Variants in TNKS observed in about 807,000 individuals in gnomAD.
TNKS encodes the protein poly [ADP-ribose] polymerase tankyrase-1.
Under a neutral mutation model 135.8 loss-of-function variants are expected in TNKS, and 72 were observed. That is an observed-to-expected ratio of 0.53 (90% confidence interval 0.44 to 0.64). The LOEUF is 0.64. TNKS is among the 30% of genes least tolerant of loss of function. TNKS has a pLI of 0.00. For synonymous variants in TNKS, 849 were observed against 649.3 expected (o/e 1.31, Z -4.68); for missense variants, 1,769 against 1,674.0 (o/e 1.06, Z -0.99).
At chr8:9,583,663 A>G (rs1341134517) in intron 2 of TNKS, among the ~76,000 whole-genome samples, 2 of 151,512 alleles carry the variant, frequency 1.3e-5, no homozygotes, top group Non-Finnish European at 2.9e-5. Context: ...TAAGTTTTGT[A>G]TTTTTATTAG....
At chr8:9,637,723 C>T (rs571986912) in intron 3 of TNKS, among the ~76,000 whole-genome samples, 1 of 151,986 alleles carries the variant, frequency 6.6e-6, no homozygotes, top group African/African-American at 2.4e-5. Flanking sequence ...TGCTCATTTG[C>T]TTATACTCTT....
At chr8:9,724,557 A>G (rs1158532922) in intron 12 of TNKS, among the ~76,000 whole-genome samples, 5 of 152,114 alleles carry the variant, frequency 3.3e-5, no homozygotes, top group Non-Finnish European at 7.4e-5. Flanking sequence ...TTCATTTTTT[A>G]TATCTCTTTT....
At chr8:9,645,251 G>C (rs540698146) in intron 3 of TNKS, among the ~76,000 whole-genome samples, 1 of 152,256 alleles carries the variant, frequency 6.6e-6, no homozygotes, top group South Asian at 2.1e-4. Flanking sequence ...AGAATCCCAA[G>C]ATCAGGGAGA....
intron 21 of TNKS, among the ~76,000 whole-genome samples, chr8:9,762,124 C>A (rs7830503): frequency 6.6e-6 from 1 of 152,170 alleles, no homozygotes; most frequent in Non-Finnish European, 1.5e-5. Flanking sequence ...TACAATCTAA[C>A]CTTTCTTAAC....
intron 5 of TNKS, among the ~76,000 whole-genome samples, chr8:9,696,832 C>T (rs1171578621): frequency 6.6e-6 from 1 of 152,134 alleles, no homozygotes; most frequent in Non-Finnish European, 1.5e-5. Flanking sequence ...ATATTCCATG[C>T]TCATGGATTG....
At chr8:9,659,691 C>G (rs1277307617) in intron 3 of TNKS, among the ~76,000 whole-genome samples, 13 of 152,064 alleles carry the variant, frequency 8.5e-5, no homozygotes, top group Non-Finnish European at 1.9e-4. Flanking sequence ...GAAGCAACAG[C>G]AAACACATTC....
At chr8:9,771,539 C>T (rs1807865277) in intron 26 of TNKS, among the ~76,000 whole-genome samples, 1 of 102,124 alleles carries the variant, frequency 9.8e-6, no homozygotes, top group Non-Finnish European at 2.0e-5. Context: ...GGGAGAAAGA[C>T]TGAGAGAGGA....
chr8:9,601,917 A>T (rs1445004181), intron 2 of TNKS, among the ~76,000 whole-genome samples: 3 of 152,204 alleles, frequency 2.0e-5, no homozygotes, highest in African/African-American at 7.2e-5. Flanking sequence ...AGCCCAATAT[A>T]TAAAAGCGTT....
At chr8:9,757,818 T>C (rs1197691579) in intron 20 of TNKS, among the ~76,000 whole-genome samples, 1 of 152,222 alleles carries the variant, frequency 6.6e-6, no homozygotes, top group Non-Finnish European at 1.5e-5. Flanking sequence ...TAGTTACTTT[T>C]TAAAGAAATA....
intron 3 of TNKS, among the ~76,000 whole-genome samples, chr8:9,674,160 T>C (rs763046372): frequency 6.6e-6 from 1 of 152,208 alleles, no homozygotes; most frequent in African/African-American, 2.4e-5. Flanking sequence ...AAAAACTGCT[T>C]ACCAATACTA....
intron 3 of TNKS, among the ~76,000 whole-genome samples, chr8:9,621,272 A>G (rs1250882602): frequency 6.6e-6 from 1 of 151,626 alleles, no homozygotes. Context: ...CTGTCACATC[A>G]GACATCCAGA....
chr8:9,688,626 GT>G (rs546148889), intron 5 of TNKS, among the ~76,000 whole-genome samples: 1 of 151,740 alleles, frequency 6.6e-6, no homozygotes, highest in African/African-American at 2.4e-5. Flanking sequence ...TGGTGAGCAA[GT>G]TTTTTTTCTT....
intron 17 of TNKS, among the ~76,000 whole-genome samples, chr8:9,742,239 C>T (rs149589691): frequency 2.4e-3 from 365 of 151,736 alleles, no homozygotes; most frequent in Non-Finnish European, 2.9e-3. Context: ...ATTTAAAAAT[C>T]AGGCATCCGT....
intron 1 of TNKS, chr8:9,574,893 T>C (rs1480006385): frequency 3.5e-6 from 1 of 286,090 alleles, no homozygotes; most frequent in African/African-American, 2.3e-5. Flanking sequence ...TTACTCACTC[T>C]CCCTTCTTGT....
chr8:9,570,123 A>G (rs1045140451), intron 1 of TNKS, among the ~76,000 whole-genome samples: 15 of 152,142 alleles, frequency 9.9e-5, no homozygotes, highest in African/African-American at 3.6e-4. Flanking sequence ...AGCAGATGCC[A>G]GGTGTTTTTT....
intron 20 of TNKS, 36 bp from the exon 21 acceptor site, chr8:9,761,480 T>C (rs2128833722): frequency 6.8e-6 from 11 of 1,610,192 alleles, no homozygotes; most frequent in Non-Finnish European, 9.3e-6. Flanking sequence ...TAAGAACTGT[T>C]AAAGATATCC....
chr8:9,568,127 C>T (rs773628167), intron 1 of TNKS, among the ~76,000 whole-genome samples: 4 of 152,104 alleles, frequency 2.6e-5, no homozygotes, highest in African/African-American at 9.7e-5. Flanking sequence ...ACCTGTAGAC[C>T]TTCTCTGTCA....
intron 26 of TNKS, 116 bp from the exon 27 acceptor site, chr8:9,776,534 T>TATTAA: frequency 1.2e-6 from 1 of 851,526 alleles, no homozygotes; most frequent in Non-Finnish European, 1.9e-6. Context: ...ATTAAGAAAC[T>TATTAA]GAGTCTATAT....
At chr8:9,709,377 A>C (rs1804206391) in intron 9 of TNKS, among the ~76,000 whole-genome samples, 1 of 152,236 alleles carries the variant, frequency 6.6e-6, no homozygotes, top group Admixed American at 6.5e-5. Context: ...TTTAGTTGAA[A>C]GTAGTTTTTT....
Sources: gnomAD v4.1 joint callset for allele counts (sites outside exome capture counted in the v4.1 genomes callset) on GRCh38, gnomAD v4.1.1 for gene constraint, MANE v1.5 for transcripts, NCBI Gene and HGNC (gene_info 2026-07-23, HGNC 2026-07-21) for gene names.